SDC3: variants seen among roughly 807,000 people sequenced by gnomAD.
SDC3 encodes the protein syndecan-3.
Under a neutral mutation model 24.4 loss-of-function variants are expected in SDC3, and 13 were observed. The ratio of observed to expected loss-of-function variants is 0.53; its 90% CI spans 0.35 to 0.85. The LOEUF (loss-of-function observed/expected upper bound fraction) is 0.85. Among genes scored for constraint, SDC3 ranks in the 40% least tolerant of loss-of-function variants. SDC3 has a pLI of 0.01. For synonymous variants in SDC3, 295 were observed against 260.9 expected (o/e 1.13, Z -1.26); for missense variants, 571 against 584.5 (o/e 0.98, Z 0.24).
intron 1 of SDC3, 140 bp from the exon 2 acceptor site, chr1:30,878,880 G>A: frequency 1.5e-6 from 1 of 680,150 alleles, no homozygotes; most frequent in South Asian, 1.7e-5. Context: ...CTGAAGGAAA[G>A]TGCGTGTGTG....
At chr1:30,896,029 G>A (rs1280932210) in intron 1 of SDC3, among the ~76,000 whole-genome samples, 3 of 152,064 alleles carry the variant, frequency 2.0e-5, no homozygotes, top group Non-Finnish European at 4.4e-5. Context: ...ACCTCTCCCC[G>A]CCTGCACCTC....
Position 30,903,869 on chromosome 1 carries a change from T to C in SDC3, c.138+4580A>G, listed in dbSNP as rs1438518865. ...TGGCTCATACTAGCTCTGCCACTTC[T>C]GGCTGTGTGACTTTGAGTAAGTCAC... On this transcript the variant is annotated intron_variant, in intron 1 of 4. Coordinates refer to ENST00000339394, the MANE Select transcript of SDC3 (RefSeq NM_014654.4). Among the ~76,000 whole-genome samples, 3 of 152,188 alleles carry C rather than the reference T, an allele frequency of 2.0e-5. No individual in the cohort carries two copies. In the East Asian group the frequency reaches 5.8e-4, roughly 29 times the overall value.
intron 1 of SDC3, among the ~76,000 whole-genome samples, chr1:30,897,689 A>G (rs1291467728): frequency 1.3e-5 from 2 of 152,208 alleles, no homozygotes; most frequent in Non-Finnish European, 2.9e-5. Flanking sequence ...TATGTACTAG[A>G]TGGGACTCCA....
chr1:30,876,948 G>T lies in SDC3; in HGVS notation c.474C>A (p.Thr158=), dbSNP rs142879690. The change falls in exon 3 of 5, where the codon ACC becomes ACA. Residue 158 remains threonine (T), a synonymous_variant. Coordinates refer to ENST00000339394, the MANE Select transcript of SDC3 (RefSeq NM_014654.4). The part of the protein sequence containing the change: ...VPEEPSQRAT[T]VSTTMATTAA... Reference sequence around the variant, plus strand: ...CAGTGGTAGCCATGGTAGTGGAGACGGTGGTGGCTCTCTGGCTGGGCTCTT... The same window carrying T: ...CAGTGGTAGCCATGGTAGTGGAGACTGTGGTGGCTCTCTGGCTGGGCTCTT... 11 of 1,613,626 alleles carry T rather than the reference G, an allele frequency of 6.8e-6. No individual in the cohort carries two copies. The highest frequency in any genetic ancestry group is 3.3e-5 in the Admixed American group (2 of 60,002).
chr1:30,876,454 G>C, intron 3 of SDC3, 98 bp downstream of exon 3: 8 of 1,068,126 alleles, frequency 7.5e-6, no homozygotes, highest in Non-Finnish European at 1.0e-5. Flanking sequence ...CATCTCTATA[G>C]CCTCCTGGTC....
chr1:30,873,395 A>G lies in SDC3; in HGVS notation c.1163-18T>C. 1 of 1,610,466 alleles carries G rather than the reference A, an allele frequency of 6.2e-7. No homozygotes were observed. The highest frequency in any genetic ancestry group is 8.5e-7 in the Non-Finnish European group (1 of 1,177,150). ...AATCACAGCTGTGGAAGAAGAGGGC[A>G]CAGGTCAAGGCCCAGAGGCAGGGTA... is the stretch of plus-strand genomic sequence containing the variant. On this transcript the variant is annotated intron_variant, in intron 4 of 4. Coordinates refer to ENST00000339394, the MANE Select transcript of SDC3 (RefSeq NM_014654.4).
chr1:30,906,780 G>T (rs1638527035), intron 1 of SDC3, among the ~76,000 whole-genome samples: 1 of 152,222 alleles, frequency 6.6e-6, no homozygotes, highest in African/African-American at 2.4e-5. Flanking sequence ...GGAACCCAGG[G>T]TTGTGTGATT....
At position 30,908,457 on chromosome 1, in the gene SDC3, C is replaced by A. The variant is rs1195364497; in HGVS notation, c.130G>T (p.Ala44Ser). Reference protein sequence around the residue: ...PLLLLLLAGRAAGAQRWRSEN... With the variant: ...PLLLLLLAGRSAGAQRWRSEN... ...GGGCGCGTGTCACTCACCCCCGCGG[C>A]GCGCCCCGCCAGCAGCAGCAGCAGC... is the stretch of plus-strand genomic sequence containing the variant. The change falls in exon 1 of 5, where the codon GCC (alanine) becomes TCC (serine). Residue 44 changes from alanine (A) to serine (S), a missense_variant. Coordinates refer to ENST00000339394, the MANE Select transcript of SDC3 (RefSeq NM_014654.4). 9.6e-7 allele frequency: 1 copy of A among 1,037,162 alleles called. No homozygotes were observed. Among genetic ancestry groups the A allele is most frequent in the Admixed American group, 4.8e-5 (1 of 20,998 alleles). 64.2% of individuals were successfully genotyped at this position (1,037,162 alleles called of 1,614,324 possible). A position where few individuals can be genotyped will look rare whatever the true frequency, so the allele number is the denominator to read the frequency against.
At position 30,871,144 on chromosome 1, in the gene SDC3, C is replaced by G. The variant is rs1639527046; in HGVS notation, c.*2067G>C. 1.3e-5 allele frequency: 2 copies of G among 152,434 alleles called. No homozygotes were observed. The highest frequency in any genetic ancestry group is 4.1e-4 in the South Asian group (2 of 4,824). 9.4% of individuals were successfully genotyped at this position (152,434 alleles called of 1,614,324 possible). On this transcript the variant is annotated 3_prime_UTR_variant, in exon 5 of 5. Transcript: ENST00000339394. The stretch of plus-strand genomic sequence containing the variant: ...AGGGTTTTGGGACTGGAAGATGGAG[C>G]CCAGCCTGGAAAAGACAGGCTGTGG...
intron 1 of SDC3, among the ~76,000 whole-genome samples, chr1:30,887,472 C>T (rs1229731198): frequency 6.6e-6 from 1 of 152,128 alleles, no homozygotes; most frequent in Non-Finnish European, 1.5e-5. Flanking sequence ...TGGTGATAGG[C>T]AGTTAGTAGG....
chr1:30,873,195 A>G lies in SDC3; in HGVS notation c.*16T>C. On this transcript the variant is annotated 3_prime_UTR_variant, in exon 5 of 5. Coordinates refer to ENST00000339394, the MANE Select transcript of SDC3 (RefSeq NM_014654.4). ...GCAGGGTGGTGTTGAGGCTGCAGGG[A>G]GGCACTGTGGCTCCACTAGGCATAG... 2.5e-6 allele frequency: 4 copies of G among 1,601,236 alleles called. No individual in the cohort carries two copies. Among genetic ancestry groups the G allele is most frequent in the Non-Finnish European group, 3.4e-6 (4 of 1,168,754 alleles).
intron 1 of SDC3, 110 bp downstream of exon 1, chr1:30,908,339 G>A: frequency 1.9e-6 from 1 of 533,260 alleles, no homozygotes; most frequent in South Asian, 8.0e-5. Context: ...GGAAGCAGCC[G>A]GGGGGGAGGG....
chr1:30,876,961 T>G lies in SDC3; in HGVS notation c.461A>C (p.Gln154Pro). The G allele has an allele frequency of 2.5e-6, 4 of 1,613,698 alleles. No individual in the cohort carries two copies. The highest frequency in any genetic ancestry group is 3.4e-6 in the Non-Finnish European group (4 of 1,179,918). ...VVTEVPEEPSQRATTVSTTMA... is the reference protein window; with the variant it reads ...VVTEVPEEPSPRATTVSTTMA... Reference sequence around the variant, plus strand: ...GGTAGTGGAGACGGTGGTGGCTCTCTGGCTGGGCTCTTCCGGGACTTCTGT... The same window carrying G: ...GGTAGTGGAGACGGTGGTGGCTCTCGGGCTGGGCTCTTCCGGGACTTCTGT... The change falls in exon 3 of 5, where the codon CAG becomes CCG. Residue 154 changes from glutamine to proline, a missense_variant. Physicochemically the swap from Gln to Pro is moderately conservative, Grantham distance 76. This residue lies in a region of SDC3 where 497 missense variants were observed against 471.6 expected (regional missense o/e 1.05). Coordinates refer to ENST00000339394, the MANE Select transcript of SDC3 (RefSeq NM_014654.4).
At chr1:30,875,807 C>A (rs1237818527) in intron 3 of SDC3, among the ~76,000 whole-genome samples, 1 of 152,168 alleles carries the variant, frequency 6.6e-6, no homozygotes, top group African/African-American at 2.4e-5. Flanking sequence ...GGCTGCGGAG[C>A]CTTGGGAAGT....
Position 30,869,897 on chromosome 1 carries a change from G to T in SDC3, c.*3314C>A. On this transcript the variant is annotated 3_prime_UTR_variant, in exon 5 of 5. Coordinates refer to ENST00000339394, the MANE Select transcript of SDC3 (RefSeq NM_014654.4). ...ACATGCATTTGCCACGCTGAGGCCA[G>T]GGTCACTGTGGTGCCAGGCAGGCAC... is the stretch of plus-strand genomic sequence containing the variant. 1 of 398,650 alleles carries T rather than the reference G, an allele frequency of 2.5e-6. No homozygotes were observed. Among genetic ancestry groups the T allele is most frequent in the Admixed American group, 4.4e-5 (1 of 22,744 alleles). 24.7% of individuals were successfully genotyped at this position (398,650 alleles called of 1,614,324 possible). A position where few individuals can be genotyped will look rare whatever the true frequency, so the allele number is the denominator to read the frequency against.
rs377686596 is a variant in SDC3 at position 30,877,121 on chromosome 1, G to A, written c.301C>T (p.Pro101Ser). ...SGIETAMRFSPDVALAVSTTP... is the reference protein window; with the variant it reads ...SGIETAMRFSSDVALAVSTTP... ...GTGGACACCGCCAGGGCTACATCTGGGCTGAAGCGCATGGCTGTCTCAATG... is the reference window on the plus strand; with the variant it reads ...GTGGACACCGCCAGGGCTACATCTGAGCTGAAGCGCATGGCTGTCTCAATG... Residue 101 changes from proline (P) to serine (S), a missense_variant, in exon 3 of 5, where the codon CCA (proline) becomes TCA (serine). Physicochemically the swap from Pro to Ser is moderately conservative, Grantham distance 74. Transcript: ENST00000339394. The A allele has an allele frequency of 4.8e-5, 78 of 1,613,914 alleles. No individual in the cohort carries two copies. The highest frequency in any genetic ancestry group is 6.0e-5 in the Non-Finnish European group (71 of 1,179,992).
Position 30,874,176 on chromosome 1 carries a change from G to T in SDC3, c.1162+121C>A, listed in dbSNP as rs954917084. 8 of 770,578 alleles carry T rather than the reference G, an allele frequency of 1.0e-5. No homozygotes were observed. The Admixed American group carries it at 1.6e-4, about 15-fold the overall frequency. 47.7% of individuals were successfully genotyped at this position (770,578 alleles called of 1,614,324 possible). On this transcript the variant is annotated intron_variant, in intron 4 of 4. Coordinates refer to ENST00000339394, the MANE Select transcript of SDC3 (RefSeq NM_014654.4). ...GAGTTCTCAAGTTTCCTTCCTATCT[G>T]GCTCCTAGGAAACCACGCCCTGATC...
chr1:30,885,474 T>C (rs1240874524), intron 1 of SDC3, among the ~76,000 whole-genome samples: 1 of 152,166 alleles, frequency 6.6e-6, no homozygotes, highest in Non-Finnish European at 1.5e-5. Context: ...GCACTTTTGT[T>C]ATTAGAGAGC....
chr1:30,908,351 G>T, intron 1 of SDC3, 98 bp downstream of exon 1: 10 of 651,694 alleles, frequency 1.5e-5, no homozygotes, highest in Non-Finnish European at 1.9e-5. Context: ...GGGGGAGGGA[G>T]CGGGGTCCCG....
Sources: gnomAD v4.1 joint callset for allele counts (sites outside exome capture counted in the v4.1 genomes callset) on GRCh38, gnomAD v4.1.1 for gene constraint, gnomAD v4.1.1 regional missense constraint, MANE v1.5 for transcripts, NCBI Gene and HGNC (gene_info 2026-07-23, HGNC 2026-07-21) for gene names.